The following SNRK variants were observed in gnomAD, a reference collection of about 807,000 sequenced individuals.
The protein encoded by SNRK is SNF-related serine/threonine-protein kinase.
SNRK carries 3 observed loss-of-function variants against 48.2 expected under a neutral mutation model. The observed-to-expected ratio is 0.06, with a 90% confidence interval of 0.03 to 0.16. The LOEUF (loss-of-function observed/expected upper bound fraction) is 0.16. SNRK is among the 10% of genes least tolerant of loss of function. The pLI is 1.00. For synonymous variants in SNRK, 376 were observed against 366.1 expected (o/e 1.03, Z -0.31); for missense variants, 627 against 976.0 (o/e 0.64, Z 4.76).
chr3:43,350,112 T>A lies in SNRK; in HGVS notation c.*1555T>A, dbSNP rs2091311981. ...ACTCTGAATTTCACAGTATACTTAC[T>A]AAACTAAGTAAAAATGATACTTAAA... On this transcript the variant is annotated 3_prime_UTR_variant, in exon 7 of 7. Transcript: ENST00000296088. 6.6e-6 allele frequency: 1 copy of A among 152,648 alleles called. No homozygotes were observed. 9.5% of individuals were successfully genotyped at this position (152,648 alleles called of 1,614,324 possible).
chr3:43,321,755 A>C (rs1217725262), intron 3 of SNRK, among the ~76,000 whole-genome samples: 27 of 152,202 alleles, frequency 1.8e-4, no homozygotes. Context: ...AACAGTGCTT[A>C]TGGGCACCTC....
At chr3:43,305,045 A>T (rs1360785761) in intron 3 of SNRK, among the ~76,000 whole-genome samples, 1 of 152,218 alleles carries the variant, frequency 6.6e-6, no homozygotes, top group Non-Finnish European at 1.5e-5. Flanking sequence ...GTGCAGATTT[A>T]ATAAGAGTAT....
At chr3:43,343,303 C>G in intron 5 of SNRK, 41 bp from the exon 6 acceptor site, 1 of 1,544,024 alleles carries the variant, frequency 6.5e-7, no homozygotes, top group Non-Finnish European at 8.7e-7. Context: ...AAAAAAACCT[C>G]CTGATATGGC....
intron 6 of SNRK, among the ~76,000 whole-genome samples, chr3:43,345,116 A>T (rs1219667050): frequency 6.6e-6 from 1 of 152,204 alleles, no homozygotes; most frequent in Non-Finnish European, 1.5e-5. Context: ...AAAAAAATTT[A>T]AAAATACCAG....
intron 3 of SNRK, among the ~76,000 whole-genome samples, chr3:43,329,265 C>T (rs1331843570): frequency 1.3e-5 from 2 of 152,052 alleles, no homozygotes; most frequent in South Asian, 2.1e-4. Context: ...AGTGAAACCT[C>T]GTCTCAACTA....
intron 4 of SNRK, among the ~76,000 whole-genome samples, chr3:43,334,400 A>G (rs1319387130): frequency 1.3e-5 from 2 of 151,494 alleles, no homozygotes; most frequent in South Asian, 2.1e-4. Context: ...GGTCGAGGAT[A>G]CGGTGAGCTG....
At chr3:43,336,773 A>G (rs2091192639) in intron 4 of SNRK, among the ~76,000 whole-genome samples, 1 of 101,244 alleles carries the variant, frequency 9.9e-6, no homozygotes, top group Non-Finnish European at 2.2e-5. Context: ...TTTTTTCGAG[A>G]CGGAGTCTCG....
chr3:43,293,785 G>C (rs1339020354), intron 1 of SNRK, among the ~76,000 whole-genome samples: 1 of 152,034 alleles, frequency 6.6e-6, no homozygotes, highest in African/African-American at 2.4e-5. Context: ...TGGGTGTGGT[G>C]GCATGTTCCT....
At chr3:43,305,888 C>T (rs1330043810) in intron 3 of SNRK, among the ~76,000 whole-genome samples, 1 of 152,122 alleles carries the variant, frequency 6.6e-6, no homozygotes, top group Non-Finnish European at 1.5e-5. Context: ...TGCATGAGAG[C>T]AAGATAGGTT....
Position 43,348,284 on chromosome 3 carries a change from C to A in SNRK, c.2025C>A (p.Ser675=), listed in dbSNP as rs752028833. 6.2e-7 allele frequency: 1 copy of A among 1,614,088 alleles called. No homozygotes were observed. Among genetic ancestry groups the A allele is most frequent in the South Asian group, 1.1e-5 (1 of 91,064 alleles). ...ATCCACAGAATGGCTTGTCATTTTC[C>A]AGTGTGAAAGTCCAAGAGAAATCTA... The part of the protein sequence containing the change: ...IIDPQNGLSF[S]SVKVQEKSTW... The change falls in exon 7 of 7, where the codon TCC becomes TCA. Residue 675 remains serine, a synonymous_variant. Transcript: ENST00000296088.
At chr3:43,317,187 TTGTC>T (rs770919728) in intron 3 of SNRK, among the ~76,000 whole-genome samples, 2 of 152,202 alleles carry the variant, frequency 1.3e-5, no homozygotes, top group East Asian at 3.9e-4. Flanking sequence ...TCTGGGTAGT[TTGTC>T]TGAACTTCCT....
chr3:43,329,387 G>A (rs1405318418), intron 3 of SNRK, among the ~76,000 whole-genome samples: 3 of 151,898 alleles, frequency 2.0e-5, no homozygotes, highest in East Asian at 1.9e-4. Flanking sequence ...ACAGTGAGCC[G>A]AGATCGCACC....
At chr3:43,321,984 A>G (rs2091057093) in intron 3 of SNRK, among the ~76,000 whole-genome samples, 1 of 152,240 alleles carries the variant, frequency 6.6e-6, no homozygotes, top group Non-Finnish European at 1.5e-5. Flanking sequence ...CATTATGATT[A>G]TATCTCAGCA....
rs1575563866 is a variant in SNRK, at chr3:43,347,101, C to T, written c.1080-238C>T. Reference sequence around the variant, plus strand: ...CTCTTTGCCCTATTTTCTTTTCTGACACCTGTGATGAAGTTTTCACTTGGC... The same window carrying T: ...CTCTTTGCCCTATTTTCTTTTCTGATACCTGTGATGAAGTTTTCACTTGGC... On this transcript the variant is annotated intron_variant, in intron 6 of 6. Transcript: ENST00000296088. The surrounding 1 kb of genome is among the most constrained non-coding windows in gnomAD (Gnocchi z 5.4). The T allele has an allele frequency of 7.0e-6, 3 of 429,742 alleles. No individual in the cohort carries two copies. Among genetic ancestry groups the T allele is most frequent in the East Asian group, 6.9e-5 (2 of 28,836 alleles). The allele number at this position is 429,742 out of a possible 1,614,324, so 26.6% of individuals were successfully genotyped here.
chr3:43,292,783 G>A (rs891926245), intron 1 of SNRK, among the ~76,000 whole-genome samples: 1 of 152,160 alleles, frequency 6.6e-6, no homozygotes, highest in African/African-American at 2.4e-5. Flanking sequence ...CATCTATAGT[G>A]TCCTCTATTC....
intron 1 of SNRK, among the ~76,000 whole-genome samples, chr3:43,299,486 T>C (rs1175817021): frequency 2.6e-5 from 4 of 152,200 alleles, no homozygotes; most frequent in Admixed American, 2.6e-4. Flanking sequence ...TTGTTCATTA[T>C]TATTTCTTCA....
Position 43,303,296 on chromosome 3 carries a change from A to G in SNRK, c.93A>G (p.Lys31=). 6.2e-7 allele frequency: 1 copy of G among 1,614,174 alleles called. No homozygotes were observed. The highest frequency in any genetic ancestry group is 8.5e-7 in the Non-Finnish European group (1 of 1,180,030). ...TLGRGHFAVV[K]LARHVFTGEK... is the part of the protein sequence containing the mutation. ...GTCGAGGCCATTTTGCCGTGGTTAA[A>G]CTTGCCAGGCATGTCTTTACGGGTG... The change falls in exon 3 of 7, where the codon AAA becomes AAG. Residue 31 remains lysine (K), a synonymous_variant. Coordinates refer to ENST00000296088, the MANE Select transcript of SNRK (RefSeq NM_017719.5). This position sits in a 1 kb window ranked among gnomAD's most constrained non-coding sequence, Gnocchi z 6.2.
intron 4 of SNRK, among the ~76,000 whole-genome samples, chr3:43,335,178 T>A (rs1362867378): frequency 6.6e-6 from 1 of 152,208 alleles, no homozygotes; most frequent in Non-Finnish European, 1.5e-5. Context: ...TGTTGGATAC[T>A]TAGCTCACAA....
intron 4 of SNRK, among the ~76,000 whole-genome samples, chr3:43,337,707 G>A (rs1226790287): frequency 6.6e-6 from 1 of 152,140 alleles, no homozygotes; most frequent in African/African-American, 2.4e-5. Flanking sequence ...ACACAGTCAT[G>A]GCAGAAAGTG....
Sources: gnomAD v4.1 joint callset for allele counts (sites outside exome capture counted in the v4.1 genomes callset) on GRCh38, gnomAD v4.1.1 for gene constraint, Gnocchi (gnomAD v3.1) non-coding constraint, MANE v1.5 for transcripts, NCBI Gene and HGNC (gene_info 2026-07-23, HGNC 2026-07-21) for gene names.